Variants in NOL4 observed in about 807,000 individuals in gnomAD.
NOL4 encodes the protein nucleolar protein 4.
NOL4 carries 17 observed loss-of-function variants against 75.9 expected under a neutral mutation model. That is an observed-to-expected ratio of 0.22 (90% CI 0.15 to 0.34). The LOEUF is 0.34. Among genes scored for constraint, NOL4 ranks in the 10% least tolerant of loss-of-function variants. NOL4 has a pLI of 1.00. For missense variants in NOL4, 614 were observed against 793.5 expected (o/e 0.77, Z 2.72); for synonymous variants, 292 against 289.9 (o/e 1.01, Z -0.07).
chr18:34,191,913 C>T (rs907672757), intron 1 of NOL4, among the ~76,000 whole-genome samples: 2 of 152,106 alleles, frequency 1.3e-5, no homozygotes, highest in African/African-American at 2.4e-5. Flanking sequence ...ATTCCTCTAC[C>T]TACCAACCTA....
intron 6 of NOL4, among the ~76,000 whole-genome samples, chr18:33,982,021 GC>G (rs2072001950): frequency 6.6e-6 from 1 of 151,942 alleles, no homozygotes; most frequent in Non-Finnish European, 1.5e-5. Flanking sequence ...AAACTCTAGA[GC>G]AAGCACTAGA....
intron 10 of NOL4, among the ~76,000 whole-genome samples, chr18:33,877,376 C>A (rs866158551): frequency 3.5e-5 from 5 of 144,338 alleles, no homozygotes; most frequent in African/African-American, 5.2e-5. Context: ...GCTACTCAGA[C>A]GACTGAGGTG....
At chr18:34,143,214 G>C (rs1047783005) in intron 1 of NOL4, among the ~76,000 whole-genome samples, 5 of 152,092 alleles carry the variant, frequency 3.3e-5, no homozygotes, top group African/African-American at 1.2e-4. Flanking sequence ...TACTACAGTG[G>C]TGATTATGAG....
At chr18:34,116,073 T>C (rs2079842868) in intron 2 of NOL4, among the ~76,000 whole-genome samples, 1 of 152,156 alleles carries the variant, frequency 6.6e-6, no homozygotes, top group Non-Finnish European at 1.5e-5. Context: ...TTCCATAAAT[T>C]AGAAGTAGAA....
At chr18:33,939,482 T>C (rs528541039) in intron 9 of NOL4, among the ~76,000 whole-genome samples, 1 of 152,280 alleles carries the variant, frequency 6.6e-6, no homozygotes, top group South Asian at 2.1e-4. Context: ...CTTGAAGAGG[T>C]CCTTCACATC....
chr18:34,130,156 A>C, intron 1 of NOL4, 136 bp from the exon 2 acceptor site: 1 of 755,078 alleles, frequency 1.3e-6, no homozygotes, highest in Non-Finnish European at 1.9e-6. Context: ...AAAATTCATG[A>C]ATGAATATTT....
chr18:33,910,012 G>A (rs2145124063), intron 9 of NOL4, among the ~76,000 whole-genome samples: 1 of 152,320 alleles, frequency 6.6e-6, no homozygotes, highest in African/African-American at 2.4e-5. Flanking sequence ...CATAGGCTAA[G>A]TGCATGTGTG....
At chr18:34,013,564 T>C (rs965735763) in intron 6 of NOL4, among the ~76,000 whole-genome samples, 4 of 152,004 alleles carry the variant, frequency 2.6e-5, no homozygotes, top group African/African-American at 9.7e-5. Flanking sequence ...TCATCTTCCA[T>C]CTTCAGCATT....
chr18:33,888,017 C>T (rs1004186120), intron 9 of NOL4, among the ~76,000 whole-genome samples: 1 of 152,202 alleles, frequency 6.6e-6, no homozygotes, highest in Non-Finnish European at 1.5e-5. Context: ...AATGGTTGAA[C>T]TAGTTTACAG....
chr18:34,072,914 G>A (rs1172656169), intron 5 of NOL4, among the ~76,000 whole-genome samples: 2 of 152,108 alleles, frequency 1.3e-5, no homozygotes, highest in Non-Finnish European at 1.5e-5. Context: ...AAAACAAAAT[G>A]TATCAAAACA....
intron 9 of NOL4, among the ~76,000 whole-genome samples, chr18:33,937,295 G>A (rs1435046234): frequency 6.6e-6 from 1 of 152,002 alleles, no homozygotes; most frequent in African/African-American, 2.4e-5. Flanking sequence ...TGGACATATG[G>A]AATAAAGTAT....
intron 1 of NOL4, among the ~76,000 whole-genome samples, chr18:34,150,072 C>G (rs2081577718): frequency 1.3e-5 from 2 of 151,506 alleles, no homozygotes; most frequent in Admixed American, 1.3e-4. Flanking sequence ...GTTTTCTCAT[C>G]TAAAATATGA....
At chr18:33,949,819 A>G (rs2069087577) in intron 8 of NOL4, among the ~76,000 whole-genome samples, 1 of 152,052 alleles carries the variant, frequency 6.6e-6, no homozygotes, top group South Asian at 2.1e-4. Flanking sequence ...ATGATCTTTT[A>G]TGACTACATG....
intron 1 of NOL4, among the ~76,000 whole-genome samples, chr18:34,200,948 TAAAA>T (rs1266357542): frequency 1.3e-5 from 2 of 151,714 alleles, no homozygotes; most frequent in African/African-American, 4.8e-5. Context: ...GCTTCTGACT[TAAAA>T]AAGAGGCTCA....
intron 9 of NOL4, among the ~76,000 whole-genome samples, chr18:33,909,147 A>G (rs926996080): frequency 6.6e-6 from 1 of 152,156 alleles, no homozygotes; most frequent in African/African-American, 2.4e-5. Context: ...GTTATTTAAC[A>G]CTACTTGGAT....
At chr18:33,901,566 T>C (rs1001213228) in intron 9 of NOL4, among the ~76,000 whole-genome samples, 2 of 152,120 alleles carry the variant, frequency 1.3e-5, no homozygotes, top group African/African-American at 4.8e-5. Flanking sequence ...ATTGGATATC[T>C]GAGTCATTTT....
chr18:34,151,437 G>T (rs988928407), intron 1 of NOL4, among the ~76,000 whole-genome samples: 2 of 151,770 alleles, frequency 1.3e-5, no homozygotes, highest in African/African-American at 2.4e-5. Context: ...ATTATCGAGT[G>T]ATAGAAGCCA....
chr18:34,183,614 T>C (rs1317693823), intron 1 of NOL4: 1 of 151,964 alleles, frequency 6.6e-6, no homozygotes, highest in Non-Finnish European at 1.5e-5. Context: ...AATGGGTAAA[T>C]TGTGGTATAT....
chr18:33,949,308 A>G (rs536578133), intron 8 of NOL4, among the ~76,000 whole-genome samples: 1 of 152,128 alleles, frequency 6.6e-6, no homozygotes, highest in Non-Finnish European at 1.5e-5. Context: ...TCCTCAATTA[A>G]CCCTGGCCAC....
Sources: allele counts gnomAD v4.1 joint callset (sites outside exome capture counted in the v4.1 genomes callset), GRCh38; gene constraint gnomAD v4.1.1; transcripts MANE v1.5; gene names NCBI Gene and HGNC (gene_info 2026-07-23, HGNC 2026-07-21).